The following TNPO3 variants were observed in gnomAD, a reference collection of about 807,000 sequenced individuals.
The protein encoded by TNPO3 is transportin 3.
A neutral mutation model predicts 122.8 loss-of-function variants in TNPO3; 65 were observed. The observed-to-expected ratio is 0.53, with a 90% CI of 0.43 to 0.65. TNPO3 has a LOEUF of 0.65. TNPO3 is among the 30% of genes least tolerant of loss of function. The probability of loss-of-function intolerance (pLI) is 0.00; values close to 1 mark genes in which losing one functional copy is unlikely to be tolerated. For missense variants in TNPO3, 850 were observed against 1,136.7 expected, an observed-to-expected ratio of 0.75 and a Z score of 3.63; for synonymous variants, 372 against 411.2, an observed-to-expected ratio of 0.90 and a Z score of 1.15.
chr7:129,039,844 C>T (rs1371811476), intron 1 of TNPO3, among the ~76,000 whole-genome samples: 3 of 152,264 alleles, frequency 2.0e-5, no homozygotes, highest in Admixed American at 2.0e-4. Flanking sequence ...TATATGATTC[C>T]ATTTATATGA....
chr7:128,972,369 A>G lies in TNPO3; in HGVS notation c.2430+57T>C, dbSNP rs866168105. 8 of 1,545,702 alleles carry G rather than the reference A, an allele frequency of 5.2e-6. No individual in the cohort carries two copies. In the Middle Eastern group the frequency reaches 1.0e-3, roughly 201 times the overall value. On this transcript the variant is annotated intron_variant, in intron 19 of 22. Transcript: ENST00000265388. ...GATGCTGGTTTTCTCCTAAGGAATG[A>G]CAAAGAGATAGGAGATAAAAGCTGT...
Position 129,001,228 on chromosome 7 carries a change from C to G in TNPO3, c.703G>C (p.Asp235His), listed in dbSNP as rs1039421041. 6.2e-7 allele frequency: 1 copy of G among 1,602,298 alleles called. No individual in the cohort carries two copies. Among genetic ancestry groups the G allele is most frequent in the Non-Finnish European group, 8.5e-7 (1 of 1,170,698 alleles). Residue 235 changes from aspartate (D) to histidine (H), a missense_variant, in exon 6 of 23, where the codon GAT becomes CAT. Coordinates refer to ENST00000265388, the MANE Select transcript of TNPO3 (RefSeq NM_012470.4). Reference sequence around the variant, plus strand: ...TCATGTAGGTTAGACGAGGTCTTATCCTGTTGCTGGGGAGGTAGCAGGAAT... The same window carrying G: ...TCATGTAGGTTAGACGAGGTCTTATGCTGTTGCTGGGGAGGTAGCAGGAAT... ...LALLFEVLQQ[D>H]KTSSNLHEAA...
intron 18 of TNPO3, among the ~76,000 whole-genome samples, chr7:128,973,411 G>T (rs1384121397): frequency 6.6e-6 from 1 of 151,984 alleles, no homozygotes; most frequent in African/African-American, 2.4e-5. Flanking sequence ...CATTTTTAGG[G>T]ACTAGTTTTC....
At chr7:129,048,506 G>T (rs542176904) in intron 1 of TNPO3, among the ~76,000 whole-genome samples, 2 of 152,162 alleles carry the variant, frequency 1.3e-5, no homozygotes, top group East Asian at 3.9e-4. Flanking sequence ...CTCCGGCCTG[G>T]GCAACAGAGT....
chr7:129,022,904 A>C (rs1016179474), intron 1 of TNPO3, among the ~76,000 whole-genome samples: 8 of 152,236 alleles, frequency 5.3e-5, no homozygotes. Context: ...AGGCATCAAC[A>C]TAAGGACTGG....
At chr7:128,980,476 C>T (rs1168612550) in intron 14 of TNPO3, among the ~76,000 whole-genome samples, 6 of 152,120 alleles carry the variant, frequency 3.9e-5, no homozygotes, top group Admixed American at 2.0e-4. Context: ...GGCGTGGTGG[C>T]GCATGCCTGT....
intron 16 of TNPO3, among the ~76,000 whole-genome samples, chr7:128,977,171 A>G (rs1799148178): frequency 6.6e-6 from 1 of 152,218 alleles, no homozygotes; most frequent in African/African-American, 2.4e-5. Context: ...TTTTTGTCAC[A>G]TGTACTGACT....
intron 1 of TNPO3, among the ~76,000 whole-genome samples, chr7:129,020,141 C>A (rs938391100): frequency 3.3e-5 from 5 of 152,016 alleles, no homozygotes; most frequent in African/African-American, 9.7e-5. Context: ...CCTCCCGCCC[C>A]CCACCAAAAA....
chr7:129,030,274 AT>A, intron 1 of TNPO3: 1 of 251,694 alleles, frequency 4.0e-6, no homozygotes. Flanking sequence ...TCTGCCCAAA[AT>A]ATATGTAGGT....
chr7:128,986,980 A>C, intron 11 of TNPO3, 60 bp from the exon 12 acceptor site: 1 of 1,498,024 alleles, frequency 6.7e-7, no homozygotes. Flanking sequence ...CTTCTAGTTT[A>C]TTAAAACAGA....
At chr7:128,999,387 A>C (rs541081933) in intron 7 of TNPO3, among the ~76,000 whole-genome samples, 4 of 152,194 alleles carry the variant, frequency 2.6e-5, no homozygotes, top group Non-Finnish European at 5.9e-5. Context: ...GCGTGGTGTT[A>C]CATTCTCCCA....
rs1244792031 is a variant in TNPO3 at position 128,955,315 on chromosome 7, C to T, written c.*102G>A. 1.3e-5 allele frequency: 6 copies of T among 455,660 alleles called. No homozygotes were observed. Among genetic ancestry groups the T allele is most frequent in the South Asian group, 3.1e-5 (2 of 64,506 alleles). 28.2% of individuals were successfully genotyped at this position (455,660 alleles called of 1,614,324 possible). The stretch of plus-strand genomic sequence containing the variant: ...GGCGGTGAAGGCCCCTCTGCCACAA[C>T]GGAGGTTTCTGATTGTGGGACACAG... On this transcript the variant is annotated 3_prime_UTR_variant, in exon 23 of 23. Transcript: ENST00000265388.
chr7:128,972,444 A>C lies in TNPO3; in HGVS notation c.2412T>G (p.His804Gln). 6.2e-7 allele frequency: 1 copy of C among 1,613,754 alleles called. No homozygotes were observed. Among genetic ancestry groups the C allele is most frequent in the Non-Finnish European group, 8.5e-7 (1 of 1,179,876 alleles). ...TACTTACATCATTGGCTACCCCTGT[A>C]TGAATGAGGTCTCGTAGAAACCTCA... ...SVMRFLRDLI[H>Q]TGVANDHEED... is the part of the protein sequence containing the mutation. The change falls in exon 19 of 23, where the codon CAT becomes CAG. Residue 804 changes from histidine (H) to glutamine (Q), a missense_variant. His to Gln is a conservative substitution (Grantham distance 24, BLOSUM62 0). Coordinates refer to ENST00000265388, the MANE Select transcript of TNPO3 (RefSeq NM_012470.4).
At chr7:128,978,959 T>C (rs1563091620) in intron 16 of TNPO3, 24 bp downstream of exon 16, 1 of 1,612,502 alleles carries the variant, frequency 6.2e-7, no homozygotes. Flanking sequence ...ATGGAACACG[T>C]CCCCCCGCAA....
intron 21 of TNPO3, among the ~76,000 whole-genome samples, chr7:128,962,289 C>T (rs1424049202): frequency 2.0e-5 from 3 of 149,614 alleles, no homozygotes; most frequent in Non-Finnish European, 4.4e-5. Flanking sequence ...GGCGTGAACC[C>T]GGGAAGTGGA....
At chr7:129,050,124 C>T (rs1386977335) in intron 1 of TNPO3, among the ~76,000 whole-genome samples, 2 of 151,908 alleles carry the variant, frequency 1.3e-5, no homozygotes, top group Non-Finnish European at 2.9e-5. Flanking sequence ...TCACTCATGC[C>T]TGTAATCCCA....
intron 1 of TNPO3, among the ~76,000 whole-genome samples, chr7:129,054,060 G>T (rs997521249): frequency 6.6e-6 from 1 of 152,172 alleles, no homozygotes; most frequent in Non-Finnish European, 1.5e-5. Flanking sequence ...GAACTCCAAA[G>T]ATTTTCTGAA....
intron 1 of TNPO3, among the ~76,000 whole-genome samples, chr7:129,038,974 A>G (rs1807037258): frequency 6.6e-6 from 1 of 152,054 alleles, no homozygotes; most frequent in Admixed American, 6.5e-5. Flanking sequence ...CCCTGAACCT[A>G]AAAGTTTTTT....
chr7:129,028,073 A>C (rs1032808121), intron 1 of TNPO3, among the ~76,000 whole-genome samples: 1 of 152,208 alleles, frequency 6.6e-6, no homozygotes, highest in Non-Finnish European at 1.5e-5. Flanking sequence ...TAAACAACAT[A>C]CTCAAAAAAC....
Sources: gnomAD v4.1 joint callset for allele counts (sites outside exome capture counted in the v4.1 genomes callset) on GRCh38, gnomAD v4.1.1 for gene constraint, MANE v1.5 for transcripts, NCBI Gene and HGNC (gene_info 2026-07-23, HGNC 2026-07-21) for gene names.